The following SMCO4 variants were observed in gnomAD, a reference collection of about 807,000 sequenced individuals.
SMCO4 encodes the protein single-pass membrane protein with coiled-coil domains 4.
SMCO4 carries 4 observed loss-of-function variants against 3.6 expected under a neutral mutation model. That is an observed-to-expected ratio of 1.11 (90% CI 0.54 to 2.53). The LOEUF (loss-of-function observed/expected upper bound fraction) is 2.53. Among genes scored for constraint, SMCO4 ranks in the 30% most tolerant of loss-of-function variants. The pLI is 0.02. For missense variants in SMCO4, 70 were observed against 80.8 expected, an observed-to-expected ratio of 0.87 and a Z score of 0.51; for synonymous variants, 36 against 35.3, an observed-to-expected ratio of 1.02 and a Z score of -0.07.
At chr11:93,522,803 C>G (rs1949070238) in intron 1 of SMCO4, among the ~76,000 whole-genome samples, 1 of 152,152 alleles carries the variant, frequency 6.6e-6, no homozygotes. Context: ...AAAAACCACA[C>G]CTTGCAAACT....
intron 1 of SMCO4, among the ~76,000 whole-genome samples, chr11:93,507,724 A>C (rs941417708): frequency 6.6e-6 from 1 of 152,218 alleles, no homozygotes; most frequent in African/African-American, 2.4e-5. Flanking sequence ...AAGTTCTGAT[A>C]TAGTTTCAAA....
chr11:93,496,774 A>G (rs938658002), intron 2 of SMCO4, among the ~76,000 whole-genome samples: 1 of 152,240 alleles, frequency 6.6e-6, no homozygotes, highest in Non-Finnish European at 1.5e-5. Flanking sequence ...TGGTGCTTGC[A>G]TCATGCCACA....
chr11:93,542,922 G>C (rs777788935), intron 1 of SMCO4, among the ~76,000 whole-genome samples: 73 of 152,104 alleles, frequency 4.8e-4, no homozygotes, highest in Non-Finnish European at 7.8e-4. Context: ...TGCGTCCCCC[G>C]GCCCCTGAGT....
intron 1 of SMCO4, among the ~76,000 whole-genome samples, chr11:93,526,580 G>A (rs945059345): frequency 3.9e-5 from 6 of 152,120 alleles, no homozygotes; most frequent in African/African-American, 1.4e-4. Flanking sequence ...AAACAAAAAT[G>A]AAATAAAGCA....
chr11:93,518,534 G>A (rs1228733348), intron 1 of SMCO4, among the ~76,000 whole-genome samples: 2 of 152,144 alleles, frequency 1.3e-5, no homozygotes, highest in African/African-American at 2.4e-5. Context: ...CATGCCTTTT[G>A]AAATATTTTT....
chr11:93,502,897 G>T (rs556298523), intron 1 of SMCO4, among the ~76,000 whole-genome samples: 1 of 152,110 alleles, frequency 6.6e-6, no homozygotes. Flanking sequence ...TCCTTACACA[G>T]GCCAGCCACT....
chr11:93,490,761 A>G (rs1392631966), intron 2 of SMCO4, among the ~76,000 whole-genome samples: 2 of 152,250 alleles, frequency 1.3e-5, no homozygotes, highest in Non-Finnish European at 2.9e-5. Flanking sequence ...TGCGGCTCTA[A>G]AAGACAGAAC....
chr11:93,509,241 T>C (rs1948936275), intron 1 of SMCO4, among the ~76,000 whole-genome samples: 1 of 151,292 alleles, frequency 6.6e-6, no homozygotes, highest in African/African-American at 2.4e-5. Flanking sequence ...CAGTGAGCTA[T>C]GATTGCACTG....
In SMCO4 at chr11:93,535,816, C is replaced by G. The variant is rs1048940576; in HGVS notation, c.-154+7460G>C. The G allele has an allele frequency of 5.7e-6, 9 of 1,582,280 alleles. No homozygotes were observed. In the African/African-American group the frequency reaches 1.3e-4, roughly 23 times the overall value. On this transcript the variant is annotated intron_variant, in intron 1 of 2. Transcript: ENST00000298966. The stretch of plus-strand genomic sequence containing the variant: ...AGCAGCAGCAGCAGCAACAGCAGCA[C>G]AGTAAAGGACATACATTTCCTGCTT...
At chr11:93,547,302 G>C (rs1949321873), upstream of SMCO4, among the ~76,000 whole-genome samples, 1 of 152,166 alleles carries the variant, frequency 6.6e-6, no homozygotes, top group Admixed American at 6.5e-5. Flanking sequence ...AGAAGAACAG[G>C]ACACCTTGAA....
At chr11:93,546,443 T>C (rs1256867117), upstream of SMCO4, among the ~76,000 whole-genome samples, 7 of 152,242 alleles carry the variant, frequency 4.6e-5, no homozygotes, top group African/African-American at 1.7e-4. Flanking sequence ...TAGGTGTGTT[T>C]ATCTCTCCCA....
At chr11:93,534,371 T>TAG (rs763362078) in intron 1 of SMCO4, among the ~76,000 whole-genome samples, 1,427 of 126,002 alleles carry the variant, frequency 0.011, 39 homozygotes, top group South Asian at 0.048. Flanking sequence ...TATATATATA[T>TAG]ATATAGAGAG....
At chr11:93,507,468 A>G (rs1948918326) in intron 1 of SMCO4, among the ~76,000 whole-genome samples, 1 of 152,186 alleles carries the variant, frequency 6.6e-6, no homozygotes, top group South Asian at 2.1e-4. Flanking sequence ...ATACTTAAAG[A>G]CTTTTCAGAT....
chr11:93,501,444 C>T (rs773562209), intron 1 of SMCO4, among the ~76,000 whole-genome samples: 3 of 152,346 alleles, frequency 2.0e-5, no homozygotes, highest in South Asian at 2.1e-4. Context: ...GGGGAGAACT[C>T]GTTTGTCGCC....
At chr11:93,506,070 TACAC>T (rs1948897857) in intron 1 of SMCO4, among the ~76,000 whole-genome samples, 1 of 152,128 alleles carries the variant, frequency 6.6e-6, no homozygotes, top group Non-Finnish European at 1.5e-5. Flanking sequence ...TATACACACA[TACAC>T]ACCTATACAT....
upstream of SMCO4, among the ~76,000 whole-genome samples, chr11:93,547,005 A>T (rs1287697904): frequency 6.6e-6 from 1 of 152,222 alleles, no homozygotes; most frequent in African/African-American, 2.4e-5. Flanking sequence ...CGCTTTCCAG[A>T]ACCCATTAGA....
intron 1 of SMCO4, among the ~76,000 whole-genome samples, chr11:93,531,318 A>T (rs1565388660): frequency 6.6e-6 from 1 of 152,192 alleles, no homozygotes; most frequent in Admixed American, 6.5e-5. Flanking sequence ...CTGGGTCTCA[A>T]GCCTGCTGGC....
intron 1 of SMCO4, among the ~76,000 whole-genome samples, chr11:93,528,871 A>G (rs1210838330): frequency 6.6e-6 from 1 of 152,200 alleles, no homozygotes; most frequent in Non-Finnish European, 1.5e-5. Context: ...CCGCCTACTC[A>G]GAGCCCAGCA....
upstream of SMCO4, among the ~76,000 whole-genome samples, chr11:93,547,331 A>G (rs1949322088): frequency 6.6e-6 from 1 of 152,194 alleles, no homozygotes; most frequent in Non-Finnish European, 1.5e-5. Context: ...TCCAAACATA[A>G]TCATCAGGGC....
Sources: gnomAD v4.1 joint callset for allele counts (sites outside exome capture counted in the v4.1 genomes callset) on GRCh38, gnomAD v4.1.1 for gene constraint, MANE v1.5 for transcripts, NCBI Gene and HGNC (gene_info 2026-07-23, HGNC 2026-07-21) for gene names.